The following CACNB2 variants were observed in gnomAD, a reference collection of about 807,000 sequenced individuals.
The protein encoded by CACNB2 is calcium voltage-gated channel auxiliary subunit beta 2.
A neutral mutation model predicts 73.3 loss-of-function variants in CACNB2; 42 were observed. The observed-to-expected ratio is 0.57, with a 90% CI of 0.45 to 0.74. CACNB2 has a LOEUF of 0.74. CACNB2 is among the 30% of genes least tolerant of loss of function. CACNB2 has a pLI of 0.00. For synonymous variants in CACNB2, 348 were observed against 310.3 expected, an observed-to-expected ratio of 1.12 and a Z score of -1.28; for missense variants, 940 against 853.0, an observed-to-expected ratio of 1.10 and a Z score of -1.27.
intron 2 of CACNB2, among the ~76,000 whole-genome samples, chr10:18,177,574 A>G (rs2033671480): frequency 6.6e-6 from 1 of 151,460 alleles, no homozygotes; most frequent in Non-Finnish European, 1.5e-5. Context: ...GCAAGACTCC[A>G]TCTCAAAAAA....
intron 2 of CACNB2, among the ~76,000 whole-genome samples, chr10:18,363,258 C>T (rs907738920): frequency 6.6e-6 from 1 of 152,186 alleles, no homozygotes; most frequent in African/African-American, 2.4e-5. Context: ...ATTAGCCTGG[C>T]GTTCCAGGCT....
At chr10:18,447,999 G>GT (rs2046820109) in intron 3 of CACNB2, among the ~76,000 whole-genome samples, 1 of 151,998 alleles carries the variant, frequency 6.6e-6, no homozygotes, top group Non-Finnish European at 1.5e-5. Context: ...CTTTCTTTTT[G>GT]TTTTTTAATA....
intron 9 of CACNB2, among the ~76,000 whole-genome samples, chr10:18,525,047 A>AC (rs1164312971): frequency 3.3e-5 from 5 of 150,422 alleles, no homozygotes; most frequent in Admixed American, 2.0e-4. Flanking sequence ...AAAAAAAAAA[A>AC]AACACATTAT....
intron 2 of CACNB2, among the ~76,000 whole-genome samples, chr10:18,369,536 A>C (rs1486182275): frequency 1.3e-5 from 2 of 152,204 alleles, no homozygotes; most frequent in Non-Finnish European, 2.9e-5. Context: ...CTGCCTTTGA[A>C]AGGACTACTT....
At chr10:18,228,445 A>AAAAAGAAAAG (rs1189672421) in intron 2 of CACNB2, among the ~76,000 whole-genome samples, 2 of 148,246 alleles carry the variant, frequency 1.3e-5, no homozygotes, top group African/African-American at 5.0e-5. Flanking sequence ...AAAAAAAAAA[A>AAAAAGAAAAG]AAAAGAAAAA....
At chr10:18,331,201 G>A (rs2040790618) in intron 2 of CACNB2, among the ~76,000 whole-genome samples, 1 of 151,562 alleles carries the variant, frequency 6.6e-6, no homozygotes, top group Non-Finnish European at 1.5e-5. Context: ...GGTCAGGATG[G>A]TCTTGATCTC....
intron 2 of CACNB2, among the ~76,000 whole-genome samples, chr10:18,344,020 G>T (rs1005423456): frequency 3.4e-5 from 5 of 146,728 alleles, no homozygotes; most frequent in African/African-American, 1.3e-4. Flanking sequence ...ATTTTGGGTC[G>T]ATTATTTTTT....
chr10:18,300,677 C>G (rs1470016790), intron 2 of CACNB2, among the ~76,000 whole-genome samples: 1 of 152,032 alleles, frequency 6.6e-6, no homozygotes, highest in Non-Finnish European at 1.5e-5. Context: ...AGTGAAACCC[C>G]ATCTCTACTA....
At chr10:18,529,373 C>T (rs2052775639) in intron 10 of CACNB2, among the ~76,000 whole-genome samples, 1 of 152,070 alleles carries the variant, frequency 6.6e-6, no homozygotes, top group African/African-American at 2.4e-5. Context: ...TGATGAAGCC[C>T]CTTCCCTCAA....
At chr10:18,395,888 G>T (rs1276459680) in intron 2 of CACNB2, among the ~76,000 whole-genome samples, 1 of 152,224 alleles carries the variant, frequency 6.6e-6, no homozygotes, top group South Asian at 2.1e-4. Flanking sequence ...CAACTGTCCC[G>T]CATCTTGGCA....
chr10:18,391,203 A>G (rs529185831), intron 2 of CACNB2, among the ~76,000 whole-genome samples: 91 of 152,266 alleles, frequency 6.0e-4, no homozygotes, highest in African/African-American at 1.8e-3. Flanking sequence ...GTTTGTGATA[A>G]AACACTGGGG....
chr10:18,432,960 G>C (rs2045962707), intron 3 of CACNB2, among the ~76,000 whole-genome samples: 1 of 152,172 alleles, frequency 6.6e-6, no homozygotes, highest in Non-Finnish European at 1.5e-5. Flanking sequence ...AGATAAAAGA[G>C]AGATAGAGAT....
Position 18,491,240 on chromosome 10 carries a change from C to G in CACNB2, c.334-7115C>G, listed in dbSNP as rs147493431. Among the ~76,000 whole-genome samples the G allele has an allele frequency of 3.2e-3, 493 of 152,288 alleles. 8 individuals are homozygous for G. Among genetic ancestry groups the G allele is most frequent in the African/African-American group, 0.011 (462 of 41,564 alleles). On this transcript the variant is annotated intron_variant, in intron 3 of 13. Transcript: ENST00000324631. ...TTATGATGGACCATGCAGGAGTGAA[C>G]TAGGAATGAGCTGAACCATGCCCCA... is the stretch of plus-strand genomic sequence containing the variant.
At chr10:18,438,731 T>A (rs1228175740) in intron 3 of CACNB2, among the ~76,000 whole-genome samples, 5 of 152,250 alleles carry the variant, frequency 3.3e-5, no homozygotes, top group Admixed American at 3.3e-4. Context: ...AAAACATCAA[T>A]TCCTTGATCC....
intron 3 of CACNB2, among the ~76,000 whole-genome samples, chr10:18,457,702 C>T (rs1166871677): frequency 6.6e-6 from 1 of 151,990 alleles, no homozygotes; most frequent in Non-Finnish European, 1.5e-5. Flanking sequence ...ACCAGCCTGA[C>T]CAACATGGAG....
At chr10:18,498,664 G>A (rs998641842) in intron 4 of CACNB2, 187 bp downstream of exon 4, 15 of 626,936 alleles carry the variant, frequency 2.4e-5, no homozygotes, top group African/African-American at 1.8e-4. Flanking sequence ...GTGGAAAGAA[G>A]TCACAGGCCT....
chr10:18,301,940 C>T (rs1010761865), intron 2 of CACNB2, among the ~76,000 whole-genome samples: 5 of 152,072 alleles, frequency 3.3e-5, no homozygotes, highest in Admixed American at 1.3e-4. Context: ...AGCCACCGCG[C>T]CCAGCCGCCT....
At position 18,433,091 on chromosome 10, in the gene CACNB2, T is replaced by C. The variant is rs188032020; in HGVS notation, c.333+31048T>C. ...TAACTGTTTAGATAACACTATTTAT[T>C]CATTAAAATAAATATATGTATATGC... On this transcript the variant is annotated intron_variant, in intron 3 of 13. Transcript: ENST00000324631. 3.5e-4 allele frequency among the ~76,000 whole-genome samples: 52 copies of C among 148,662 alleles called. No individual in the cohort carries two copies. The East Asian group carries it at 9.7e-3, about 28-fold the overall frequency.
Position 18,299,039 on chromosome 10 carries a change from C to T in CACNB2, c.214-102885C>T, listed in dbSNP as rs12414996. On this transcript the variant is annotated intron_variant, in intron 2 of 13. Transcript: ENST00000324631. ...ACATGTAACAAACCTGCACGTTGTGCACATGTACCCTAAAACTTAAAGTAT... is the reference window on the plus strand; with the variant it reads ...ACATGTAACAAACCTGCACGTTGTGTACATGTACCCTAAAACTTAAAGTAT... Among the ~76,000 whole-genome samples the T allele has an allele frequency of 5.5e-3, 690 of 125,590 alleles. 17 individuals are homozygous for T. In the East Asian group the frequency reaches 0.058, roughly 11 times the overall value. The allele number at this position is 125,590 out of a possible 152,430, so 82.4% of individuals were successfully genotyped here.
Sources: gnomAD v4.1 joint callset for allele counts (sites outside exome capture counted in the v4.1 genomes callset) on GRCh38, gnomAD v4.1.1 for gene constraint, MANE v1.5 for transcripts, NCBI Gene and HGNC (gene_info 2026-07-23, HGNC 2026-07-21) for gene names.